PLCL1: variants seen among roughly 807,000 people sequenced by gnomAD.
PLCL1 encodes inactive phospholipase C-like protein 1.
PLCL1 carries 41 observed loss-of-function variants against 84.4 expected under a neutral mutation model. The observed-to-expected ratio is 0.49, with a 90% CI of 0.38 to 0.63. The LOEUF is 0.63. PLCL1 is among the 30% of genes least tolerant of loss of function. PLCL1 has a pLI of 0.00. For synonymous variants in PLCL1, 490 were observed against 488.3 expected, an observed-to-expected ratio of 1.00 and a Z score of -0.05; for missense variants, 1,206 against 1,367.8, an observed-to-expected ratio of 0.88 and a Z score of 1.87.
chr2:197,871,213 C>T (rs1452720501), intron 1 of PLCL1, among the ~76,000 whole-genome samples: 2 of 151,952 alleles, frequency 1.3e-5, no homozygotes, highest in African/African-American at 2.4e-5. Flanking sequence ...ATGTGAGGGG[C>T]CTGTACAGTT....
intron 5 of PLCL1, among the ~76,000 whole-genome samples, chr2:198,136,183 A>T (rs527719963): frequency 6.6e-6 from 1 of 152,138 alleles, no homozygotes; most frequent in Non-Finnish European, 1.5e-5. Context: ...TATCTACAAC[A>T]TTGTTATTTC....
At chr2:198,080,433 A>G (rs575659507) in intron 1 of PLCL1, among the ~76,000 whole-genome samples, 9 of 152,328 alleles carry the variant, frequency 5.9e-5, no homozygotes, top group South Asian at 4.1e-4. Flanking sequence ...TTGAGGGAAT[A>G]CAGATGTAGG....
chr2:197,886,521 C>G (rs1479137735), intron 1 of PLCL1, among the ~76,000 whole-genome samples: 2 of 149,460 alleles, frequency 1.3e-5, no homozygotes, highest in Admixed American at 1.3e-4. Context: ...TAGTGCATCT[C>G]CCTGGATTGT....
At chr2:198,125,446 A>G (rs1399525147) in intron 5 of PLCL1, among the ~76,000 whole-genome samples, 2 of 152,174 alleles carry the variant, frequency 1.3e-5, no homozygotes, top group African/African-American at 2.4e-5. Context: ...TATGAGGAGT[A>G]TTGGAATCTG....
At chr2:197,860,398 T>C (rs1298778127) in intron 1 of PLCL1, among the ~76,000 whole-genome samples, 1 of 152,186 alleles carries the variant, frequency 6.6e-6, no homozygotes, top group Admixed American at 6.6e-5. Flanking sequence ...TACCTAGTAA[T>C]GGGATTGGTG....
At chr2:197,816,420 CA>C (rs1216772745) in intron 1 of PLCL1, among the ~76,000 whole-genome samples, 1 of 151,946 alleles carries the variant, frequency 6.6e-6, no homozygotes, top group African/African-American at 2.4e-5. Context: ...GCATGGGAAA[CA>C]AAAAAATTTG....
intron 1 of PLCL1, among the ~76,000 whole-genome samples, chr2:197,868,159 C>A (rs1377359072): frequency 6.6e-6 from 1 of 152,142 alleles, no homozygotes; most frequent in Non-Finnish European, 1.5e-5. Flanking sequence ...TATGTCCAGT[C>A]AAAACTGCAA....
intron 1 of PLCL1, among the ~76,000 whole-genome samples, chr2:197,861,542 A>G (rs1418729366): frequency 6.6e-6 from 1 of 152,196 alleles, no homozygotes; most frequent in Non-Finnish European, 1.5e-5. Context: ...GGAAACCCTG[A>G]TTATAGCCGA....
chr2:197,923,401 C>A (rs542890789), intron 1 of PLCL1, among the ~76,000 whole-genome samples: 1 of 144,302 alleles, frequency 6.9e-6, no homozygotes, highest in East Asian at 2.2e-4. Flanking sequence ...ACTTCTCAGA[C>A]GGGGTGGTTG....
At chr2:198,091,889 A>T (rs945121294) in intron 3 of PLCL1, among the ~76,000 whole-genome samples, 2 of 151,366 alleles carry the variant, frequency 1.3e-5, no homozygotes. Flanking sequence ...TGTCTACCTC[A>T]CCTGCCTCTC....
chr2:197,910,645 A>C (rs73056829), intron 1 of PLCL1, among the ~76,000 whole-genome samples: 1,843 of 152,304 alleles, frequency 0.012, 37 homozygotes, highest in African/African-American at 0.042. Context: ...CAGGCTTCTG[A>C]TATCAAACCA....
intron 1 of PLCL1, among the ~76,000 whole-genome samples, chr2:197,845,914 C>T (rs1432850351): frequency 6.6e-6 from 1 of 152,054 alleles, no homozygotes; most frequent in African/African-American, 2.4e-5. Context: ...AGGCTAAGTG[C>T]CATAGCCAAA....
intron 1 of PLCL1, among the ~76,000 whole-genome samples, chr2:197,972,947 A>G (rs1689900812): frequency 6.6e-6 from 1 of 152,280 alleles, no homozygotes; most frequent in South Asian, 2.1e-4. Flanking sequence ...TGATTGATAA[A>G]CAGGAAGAAT....
At chr2:198,044,703 A>G (rs1358425693) in intron 1 of PLCL1, among the ~76,000 whole-genome samples, 1 of 152,186 alleles carries the variant, frequency 6.6e-6, no homozygotes, top group Non-Finnish European at 1.5e-5. Context: ...ATTTTGAAAA[A>G]TGGAGAAAAA....
At chr2:198,078,897 A>G (rs555107262) in intron 1 of PLCL1, among the ~76,000 whole-genome samples, 3 of 152,232 alleles carry the variant, frequency 2.0e-5, no homozygotes, top group African/African-American at 7.2e-5. Context: ...ATAACATAAA[A>G]GTTACAATTT....
chr2:198,123,419 C>A (rs186067454), intron 5 of PLCL1, among the ~76,000 whole-genome samples: 1 of 151,846 alleles, frequency 6.6e-6, no homozygotes, highest in African/African-American at 2.4e-5. Context: ...AAAGAGGTAA[C>A]TAAATTAAAA....
chr2:198,030,541 T>C (rs193050010), intron 1 of PLCL1, among the ~76,000 whole-genome samples: 112 of 152,260 alleles, frequency 7.4e-4, no homozygotes, highest in African/African-American at 2.6e-3. Context: ...TAGTTGAATG[T>C]GTGTGTACAG....
chr2:197,866,045 ATATATATACACACACACACACAC>A lies in PLCL1; in HGVS notation c.240+60715_240+60737del, dbSNP rs1216468611. On this transcript the variant is annotated intron_variant, in intron 1 of 5. Coordinates refer to ENST00000428675, the MANE Select transcript of PLCL1 (RefSeq NM_006226.4). The stretch of plus-strand genomic sequence containing the variant: ...AAAAAAAAAAAAAAAAAATATATAT[ATATATATACACACACACACACAC>A]TATATATATATATATATATAAACTA... Among the ~76,000 whole-genome samples the A allele has an allele frequency of 1.0e-3, 107 of 106,806 alleles. 29 individuals carry two copies. The highest frequency in any genetic ancestry group is 1.3e-3 in the Admixed American group (13 of 9,888). 70.1% of individuals were successfully genotyped at this position (106,806 alleles called of 152,430 possible).
intron 1 of PLCL1, among the ~76,000 whole-genome samples, chr2:198,054,103 G>C (rs144105001): frequency 1.1e-3 from 168 of 152,222 alleles, no homozygotes; most frequent in African/African-American, 3.9e-3. Flanking sequence ...AGGATACAGA[G>C]GTTAATTCCT....
Sources: allele counts gnomAD v4.1 joint callset (sites outside exome capture counted in the v4.1 genomes callset), GRCh38; gene constraint gnomAD v4.1.1; transcripts MANE v1.5; gene names NCBI Gene and HGNC (gene_info 2026-07-23, HGNC 2026-07-21).